The following SHC4 variants were observed in gnomAD, a reference collection of about 807,000 sequenced individuals.
SHC4 encodes the protein SHC-transforming protein 4.
In SHC4, 41 loss-of-function variants were observed where a neutral mutation model predicts 69.4. The observed-to-expected ratio is 0.59, with a 90% CI of 0.46 to 0.77. SHC4 has a LOEUF of 0.77. Among genes scored for constraint, SHC4 ranks in the 30% least tolerant of loss-of-function variants. The probability of loss-of-function intolerance (pLI) is 0.00; values close to 1 mark genes in which losing one functional copy is unlikely to be tolerated. For missense variants in SHC4, 777 were observed against 783.8 expected, an observed-to-expected ratio of 0.99 and a Z score of 0.10; for synonymous variants, 318 against 299.3, an observed-to-expected ratio of 1.06 and a Z score of -0.64.
chr15:48,956,054 G>A (rs570455995), intron 1 of SHC4, among the ~76,000 whole-genome samples: 10 of 152,320 alleles, frequency 6.6e-5, no homozygotes, highest in African/African-American at 2.4e-4. Flanking sequence ...GGTCTAGAGA[G>A]AAGAACAGGG....
chr15:48,904,695 T>C (rs987634698), intron 2 of SHC4, among the ~76,000 whole-genome samples: 5 of 152,134 alleles, frequency 3.3e-5, no homozygotes, highest in African/African-American at 1.2e-4. Context: ...CTGGGCAATA[T>C]AGCAAGACCT....
In SHC4 at chr15:48,916,770, C is replaced by A. The variant is rs1435312215; in HGVS notation, c.656+8109G>T. On this transcript the variant is annotated intron_variant, in intron 2 of 11. Coordinates refer to ENST00000332408, the MANE Select transcript of SHC4 (RefSeq NM_203349.4). Reference sequence around the variant, plus strand: ...ATCACACAAAGGAGGAAAACCCACTCCAAGCCACTGCTTCTTAGTTGCCCA... The same window carrying A: ...ATCACACAAAGGAGGAAAACCCACTACAAGCCACTGCTTCTTAGTTGCCCA... Among the ~76,000 whole-genome samples, 3 of 152,196 alleles carry A rather than the reference C, an allele frequency of 2.0e-5. 1 individual carries two copies. In the South Asian group the frequency reaches 6.2e-4, roughly 31 times the overall value.
At chr15:48,856,762 AAGTTTCTT>A (rs1899323640) in intron 7 of SHC4, among the ~76,000 whole-genome samples, 1 of 148,530 alleles carries the variant, frequency 6.7e-6, no homozygotes, top group African/African-American at 2.5e-5. Context: ...GAATCAGGGA[AAGTTTCTT>A]ACTAAAAAAA....
chr15:48,936,717 G>C lies in SHC4; in HGVS notation c.586-11768C>G, dbSNP rs187628174. Among the ~76,000 whole-genome samples, 89 of 152,336 alleles carry C rather than the reference G, an allele frequency of 5.8e-4. 2 individuals carry two copies. Among genetic ancestry groups the C allele is most frequent in the Non-Finnish European group, 1.0e-4 (7 of 68,036 alleles). ...AGTTCTTTATAACAATGTGAGAACA[G>C]ACTAATACACTGGGAAATGAGCTGC... On this transcript the variant is annotated intron_variant, in intron 1 of 11. Transcript: ENST00000332408.
chr15:48,956,314 A>G (rs1445251139), intron 1 of SHC4, among the ~76,000 whole-genome samples: 3 of 152,142 alleles, frequency 2.0e-5, no homozygotes, highest in East Asian at 3.8e-4. Context: ...GTCTGGCTTC[A>G]TTGTGTAAAC....
At chr15:48,918,437 A>T (rs557392335) in intron 2 of SHC4, among the ~76,000 whole-genome samples, 7 of 151,844 alleles carry the variant, frequency 4.6e-5, no homozygotes, top group Non-Finnish European at 1.0e-4. Flanking sequence ...CTTCCTTCTA[A>T]TTTTTCCTTT....
intron 8 of SHC4, among the ~76,000 whole-genome samples, 157 bp downstream of exon 8, chr15:48,855,796 T>C (rs1418159035): frequency 6.6e-6 from 1 of 152,042 alleles, no homozygotes; most frequent in Non-Finnish European, 1.5e-5. Context: ...GTAAAAATGA[T>C]CTAGTGTAGC....
rs116619964 is a variant in SHC4 at position 48,934,666 on chromosome 15, T to C, written c.586-9717A>G. 3.7e-3 allele frequency among the ~76,000 whole-genome samples: 561 copies of C among 152,322 alleles called. 5 individuals are homozygous for C. Among genetic ancestry groups the C allele is most frequent in the African/African-American group, 0.013 (535 of 41,586 alleles). Reference sequence around the variant, plus strand: ...CACCTAAATGTTCATAGCAGCATTATTTATAATAGCCAAAAGGTAGAAATA... The same window carrying C: ...CACCTAAATGTTCATAGCAGCATTACTTATAATAGCCAAAAGGTAGAAATA... On this transcript the variant is annotated intron_variant, in intron 1 of 11. Coordinates refer to ENST00000332408, the MANE Select transcript of SHC4 (RefSeq NM_203349.4).
At chr15:48,948,998 C>T (rs1421169096) in intron 1 of SHC4, among the ~76,000 whole-genome samples, 3 of 152,186 alleles carry the variant, frequency 2.0e-5, no homozygotes, top group Non-Finnish European at 4.4e-5. Flanking sequence ...CGTTCCCTCT[C>T]AACACTGCTT....
intron 1 of SHC4, among the ~76,000 whole-genome samples, chr15:48,950,181 T>C (rs1448245196): frequency 6.9e-6 from 1 of 145,444 alleles, no homozygotes; most frequent in Non-Finnish European, 1.5e-5. Flanking sequence ...TATAATTATA[T>C]TTATAATTTT....
intron 1 of SHC4, among the ~76,000 whole-genome samples, chr15:48,959,506 G>A (rs1245259145): frequency 1.3e-5 from 2 of 152,120 alleles, no homozygotes; most frequent in East Asian, 1.9e-4. Context: ...GTTGGGGCAG[G>A]GAGAGGAGCA....
intron 6 of SHC4, among the ~76,000 whole-genome samples, chr15:48,863,201 C>T (rs1899481996): frequency 1.3e-5 from 2 of 151,706 alleles, no homozygotes; most frequent in Admixed American, 6.6e-5. Flanking sequence ...CAAAAAGGCA[C>T]CAAGAAGAAA....
chr15:48,904,380 G>A (rs192692400), intron 2 of SHC4, among the ~76,000 whole-genome samples: 24 of 152,096 alleles, frequency 1.6e-4, no homozygotes, highest in East Asian at 3.9e-4. Context: ...TTGATAAGTC[G>A]CTATAAATTA....
At position 48,834,913 on chromosome 15, in the gene SHC4, C is replaced by T; in HGVS notation, c.1593G>A (p.Leu531=). 2 of 1,614,072 alleles carry T rather than the reference C, an allele frequency of 1.2e-6. No homozygotes were observed. Among genetic ancestry groups the T allele is most frequent in the Non-Finnish European group, 1.7e-6 (2 of 1,179,988 alleles). The stretch of plus-strand genomic sequence containing the variant: ...AGAGGCTCTCTGCCGCCTTCCTGCT[C>T]AGCTTGCCATGATAGCATTCTTCGC... ...LWSEECYHGK[L]SRKAAESLLV... is the part of the protein sequence containing the mutation. The change falls in exon 11 of 12, where the codon CTG becomes CTA. Residue 531 remains leucine, a synonymous_variant. Transcript: ENST00000332408.
At chr15:48,919,315 T>G (rs1254091051) in intron 2 of SHC4, among the ~76,000 whole-genome samples, 1 of 131,698 alleles carries the variant, frequency 7.6e-6, no homozygotes, top group African/African-American at 3.0e-5. Context: ...TTTTTTTTTT[T>G]GTAGAGATGG....
intron 2 of SHC4, among the ~76,000 whole-genome samples, chr15:48,922,452 T>C (rs1352231360): frequency 6.6e-6 from 1 of 152,172 alleles, no homozygotes; most frequent in Non-Finnish European, 1.5e-5. Flanking sequence ...GGCTGAGAAG[T>C]CCAAGATCAA....
At chr15:48,858,062 T>C (rs976329340) in intron 6 of SHC4, among the ~76,000 whole-genome samples, 5 of 152,252 alleles carry the variant, frequency 3.3e-5, no homozygotes, top group Admixed American at 2.6e-4. Flanking sequence ...AGGCAGGGAT[T>C]TGGGGGCCAC....
At chr15:48,838,305 G>A (rs1023455511) in intron 10 of SHC4, among the ~76,000 whole-genome samples, 1 of 152,164 alleles carries the variant, frequency 6.6e-6, no homozygotes, top group African/African-American at 2.4e-5. Flanking sequence ...CTCCGTGCAT[G>A]GCCACAAATG....
intron 1 of SHC4, among the ~76,000 whole-genome samples, chr15:48,940,603 G>A (rs1012131158): frequency 6.6e-6 from 1 of 152,160 alleles, no homozygotes; most frequent in African/African-American, 2.4e-5. Flanking sequence ...TACCATGTCT[G>A]GTCAAAGTTG....
Sources: gnomAD v4.1 joint callset for allele counts (sites outside exome capture counted in the v4.1 genomes callset) on GRCh38, gnomAD v4.1.1 for gene constraint, MANE v1.5 for transcripts, NCBI Gene and HGNC (gene_info 2026-07-23, HGNC 2026-07-21) for gene names.